Variants in ACSF2 observed in about 807,000 individuals in gnomAD.
ACSF2 encodes the protein medium-chain acyl-CoA ligase ACSF2, mitochondrial.
In ACSF2, 52 loss-of-function variants were observed where a neutral mutation model predicts 79.3. That is an observed-to-expected ratio of 0.66 (90% CI 0.53 to 0.83). The LOEUF (loss-of-function observed/expected upper bound fraction) is 0.83, where lower values mean the gene tolerates loss of function less well. ACSF2 is among the 40% of genes least tolerant of loss of function. ACSF2 has a pLI of 0.00. For synonymous variants in ACSF2, 283 were observed against 312.6 expected (o/e 0.91, Z 1.00); for missense variants, 661 against 803.3 (o/e 0.82, Z 2.14).
chr17:50,427,797 A>G (rs1915137384), intron 1 of ACSF2, among the ~76,000 whole-genome samples: 1 of 152,086 alleles, frequency 6.6e-6, no homozygotes, highest in African/African-American at 2.4e-5. Context: ...ACTTTTTTTT[A>G]TCTATAAACA....
intron 1 of ACSF2, among the ~76,000 whole-genome samples, chr17:50,442,655 G>A (rs1035131439): frequency 2.0e-5 from 3 of 151,804 alleles, no homozygotes; most frequent in Non-Finnish European, 2.9e-5. Flanking sequence ...TTGTAGAGAC[G>A]GGGTCTCAAT....
chr17:50,463,092 G>A lies in ACSF2; in HGVS notation c.793-64G>A. On this transcript the variant is annotated intron_variant, in intron 6 of 15. Coordinates refer to ENST00000300441, the MANE Select transcript of ACSF2 (RefSeq NM_025149.6). This position sits in a 1 kb window ranked among gnomAD's most constrained non-coding sequence, Gnocchi z 4.6. ...GATTCCCGGTCCCGTGCTCTTCAAGGCAGTGGCCCAGGGTGGGAAGGAGAT... is the reference window on the plus strand; with the variant it reads ...GATTCCCGGTCCCGTGCTCTTCAAGACAGTGGCCCAGGGTGGGAAGGAGAT... 2 of 1,373,840 alleles carry A rather than the reference G, an allele frequency of 1.5e-6. No homozygotes were observed. The highest frequency in any genetic ancestry group is 2.1e-6 in the Non-Finnish European group (2 of 969,374). The allele number at this position is 1,373,840 out of a possible 1,614,324, so 85.1% of individuals were successfully genotyped here.
intron 1 of ACSF2, among the ~76,000 whole-genome samples, chr17:50,446,548 C>G (rs957363397): frequency 1.1e-4 from 17 of 152,162 alleles, no homozygotes; most frequent in Non-Finnish European, 2.4e-4. Context: ...GAAAAGTACA[C>G]ATATTTTAAG....
chr17:50,468,856 C>T (rs899062336), intron 10 of ACSF2: 1 of 1,448,674 alleles, frequency 6.9e-7, no homozygotes, highest in Non-Finnish European at 9.0e-7. Flanking sequence ...GCAGCGGCGG[C>T]GGGGCGCGGG....
intron 1 of ACSF2, chr17:50,460,156 T>C (rs180813818): frequency 1.5e-5 from 7 of 455,616 alleles, no homozygotes; most frequent in Admixed American, 9.4e-5. Context: ...AGGGCCTCCA[T>C]CTGCCCTCTC....
At chr17:50,441,996 G>T (rs1459646834) in intron 1 of ACSF2, among the ~76,000 whole-genome samples, 2 of 152,066 alleles carry the variant, frequency 1.3e-5, no homozygotes, top group Non-Finnish European at 2.9e-5. Flanking sequence ...ACACCAGCAT[G>T]CCTGGCTAAT....
chr17:50,460,320 T>C (rs1274206438), intron 1 of ACSF2: 8 of 470,926 alleles, frequency 1.7e-5, no homozygotes, highest in Non-Finnish European at 3.4e-5. Context: ...ACCTGTTTAT[T>C]CTCCAGGAGG....
intron 1 of ACSF2, among the ~76,000 whole-genome samples, chr17:50,453,288 A>G (rs569138016): frequency 6.6e-6 from 1 of 152,080 alleles, no homozygotes; most frequent in African/African-American, 2.4e-5. Context: ...GGCTCACTGC[A>G]ACCTCTACCT....
intron 1 of ACSF2, among the ~76,000 whole-genome samples, chr17:50,444,649 AC>A (rs2031179195): frequency 4.6e-5 from 7 of 151,562 alleles, no homozygotes; most frequent in Non-Finnish European, 8.8e-5. Context: ...ACACACACAC[AC>A]ACACACACAC....
intron 1 of ACSF2, among the ~76,000 whole-genome samples, chr17:50,434,380 A>T (rs1246869523): frequency 6.6e-6 from 1 of 151,510 alleles, no homozygotes; most frequent in Admixed American, 6.6e-5. Flanking sequence ...ACCAATATAG[A>T]GTATCTTGTT....
chr17:50,442,746 G>A (rs1400098328), intron 1 of ACSF2, among the ~76,000 whole-genome samples: 2 of 152,164 alleles, frequency 1.3e-5, no homozygotes, highest in Non-Finnish European at 2.9e-5. Context: ...ATTATAGGTC[G>A]TGAGCCATTT....
intron 1 of ACSF2, among the ~76,000 whole-genome samples, chr17:50,438,582 T>G (rs8076712): frequency 0.24 from 36,883 of 151,922 alleles, 4,982 homozygotes; most frequent in Non-Finnish European, 0.31. Flanking sequence ...TCTTTTTTTT[T>G]GGGAGATGGA....
At chr17:50,466,253 A>AT (rs1184541544) in intron 10 of ACSF2, among the ~76,000 whole-genome samples, 2 of 137,666 alleles carry the variant, frequency 1.5e-5, no homozygotes, top group Non-Finnish European at 3.3e-5. Flanking sequence ...TGCCCGGCTA[A>AT]TTTTTTTGTA....
At chr17:50,459,693 G>A (rs1358481920) in intron 1 of ACSF2, among the ~76,000 whole-genome samples, 1 of 152,112 alleles carries the variant, frequency 6.6e-6, no homozygotes, top group Non-Finnish European at 1.5e-5. Flanking sequence ...CTGAAAGGCC[G>A]ATGGAGAAAA....
At chr17:50,447,784 C>T (rs1320822708) in intron 1 of ACSF2, among the ~76,000 whole-genome samples, 1 of 152,182 alleles carries the variant, frequency 6.6e-6, no homozygotes, top group Non-Finnish European at 1.5e-5. Context: ...AGGATGAAAG[C>T]AAGCCTCTGT....
At chr17:50,433,549 C>T (rs1180687912) in intron 1 of ACSF2, among the ~76,000 whole-genome samples, 1 of 152,186 alleles carries the variant, frequency 6.6e-6, no homozygotes, top group Non-Finnish European at 1.5e-5. Flanking sequence ...ACTCAGCCCC[C>T]ATCCCTGATT....
intron 4 of ACSF2, 137 bp downstream of exon 4, chr17:50,461,823 A>G: frequency 8.5e-7 from 1 of 1,172,000 alleles, no homozygotes; most frequent in Non-Finnish European, 1.2e-6. Flanking sequence ...TCCTTAGGCC[A>G]TGTGTGATTG....
intron 1 of ACSF2, among the ~76,000 whole-genome samples, chr17:50,441,483 C>A (rs1176871247): frequency 6.6e-6 from 1 of 152,108 alleles, no homozygotes; most frequent in Non-Finnish European, 1.5e-5. Flanking sequence ...CCTGGCGGTC[C>A]TTTTTAAGTC....
intron 1 of ACSF2, among the ~76,000 whole-genome samples, chr17:50,437,219 A>G (rs577013610): frequency 2.7e-4 from 41 of 152,358 alleles, no homozygotes; most frequent in African/African-American, 9.4e-4. Context: ...CTGCCTTTCG[A>G]CTGCCATGAG....
Sources: gnomAD v4.1 joint callset for allele counts (sites outside exome capture counted in the v4.1 genomes callset) on GRCh38, gnomAD v4.1.1 for gene constraint, Gnocchi (gnomAD v3.1) non-coding constraint, MANE v1.5 for transcripts, NCBI Gene and HGNC (gene_info 2026-07-23, HGNC 2026-07-21) for gene names.